The following TMCC1 variants were observed in gnomAD, a reference collection of about 807,000 sequenced individuals.
TMCC1 encodes transmembrane and coiled-coil domain family 1, also known as transmembrane and coiled-coil domains protein 1.
A neutral mutation model predicts 52.4 loss-of-function variants in TMCC1; 15 were observed. The observed-to-expected ratio is 0.29, with a 90% CI of 0.19 to 0.44. The LOEUF (loss-of-function observed/expected upper bound fraction) is 0.44. TMCC1 is among the 20% of genes least tolerant of loss of function. The pLI, the probability that TMCC1 is intolerant of heterozygous loss-of-function variation, is 1.00. For missense variants in TMCC1, 503 were observed against 806.0 expected, an observed-to-expected ratio of 0.62 and a Z score of 4.55; for synonymous variants, 279 against 301.9, an observed-to-expected ratio of 0.92 and a Z score of 0.79.
chr3:129,750,065 A>T (rs985051296), intron 4 of TMCC1, among the ~76,000 whole-genome samples: 2 of 152,230 alleles, frequency 1.3e-5, no homozygotes, highest in Non-Finnish European at 2.9e-5. Flanking sequence ...CTTTGTTCCA[A>T]ATTATAGTTT....
intron 1 of TMCC1, among the ~76,000 whole-genome samples, chr3:129,892,039 TTC>T (rs990901424): frequency 6.6e-6 from 1 of 152,228 alleles, no homozygotes; most frequent in Non-Finnish European, 1.5e-5. Flanking sequence ...CGGTCTGTGC[TTC>T]TGTTTATCTT....
intron 4 of TMCC1, among the ~76,000 whole-genome samples, chr3:129,790,607 G>T (rs1202045739): frequency 8.5e-5 from 13 of 152,130 alleles, no homozygotes; most frequent in Admixed American, 7.2e-4. Context: ...ACCCATAAAA[G>T]ATTTTGGGAA....
rs1200531751 is a variant in TMCC1, at chr3:129,756,759, T to C, written c.576+71044A>G. On this transcript the variant is annotated intron_variant, in intron 4 of 6. Transcript: ENST00000393238. Reference sequence around the variant, plus strand: ...AAGCCAGACTCAAAGTGTTACATGTTGTATGATTCCATTCACATGACTTCT... The same window carrying C: ...AAGCCAGACTCAAAGTGTTACATGTCGTATGATTCCATTCACATGACTTCT... 2.6e-5 allele frequency among the ~76,000 whole-genome samples: 4 copies of C among 152,312 alleles called. No homozygotes were observed. In the East Asian group the frequency reaches 7.7e-4, roughly 29 times the overall value.
At chr3:129,853,142 C>T (rs1388592107) in intron 2 of TMCC1, among the ~76,000 whole-genome samples, 1 of 152,108 alleles carries the variant, frequency 6.6e-6, no homozygotes, top group Non-Finnish European at 1.5e-5. Flanking sequence ...GATTGTGCCA[C>T]TGCACTCTAG....
intron 2 of TMCC1, among the ~76,000 whole-genome samples, chr3:129,838,207 C>T (rs570256959): frequency 2.0e-5 from 3 of 151,814 alleles, no homozygotes; most frequent in Admixed American, 6.6e-5. Context: ...GCCCAGGAGA[C>T]CAGCCTGGGC....
chr3:129,779,216 A>G (rs1410489811), intron 4 of TMCC1, among the ~76,000 whole-genome samples: 1 of 152,192 alleles, frequency 6.6e-6, no homozygotes, highest in South Asian at 2.1e-4. Context: ...ACTTCCAAGG[A>G]AAGTTAAATT....
rs573166815 is a variant in TMCC1 at position 129,818,426 on chromosome 3, A to T, written c.576+9377T>A. On this transcript the variant is annotated intron_variant, in intron 4 of 6. Transcript: ENST00000393238. ...TAAGAAACTTTTAAAGAAAAGTTTT[A>T]AAGAAACTTTTAAAGAAAAGTTTTA... Among the ~76,000 whole-genome samples, 80 of 146,836 alleles carry T rather than the reference A, an allele frequency of 5.4e-4. 1 individual carries two copies. Among genetic ancestry groups the T allele is most frequent in the African/African-American group, 1.9e-3 (77 of 39,710 alleles).
intron 2 of TMCC1, among the ~76,000 whole-genome samples, chr3:129,875,505 A>AC (rs2107977225): frequency 1.3e-5 from 2 of 150,570 alleles, no homozygotes; most frequent in South Asian, 2.1e-4. Flanking sequence ...AAAAAAAAAA[A>AC]AAAAAAAAAA....
At chr3:129,776,926 T>C (rs1380352067) in intron 4 of TMCC1, among the ~76,000 whole-genome samples, 1 of 152,190 alleles carries the variant, frequency 6.6e-6, no homozygotes, top group Non-Finnish European at 1.5e-5. Flanking sequence ...TAAGCTACTG[T>C]ACCCAACCTG....
intron 4 of TMCC1, among the ~76,000 whole-genome samples, chr3:129,717,410 T>G (rs998997604): frequency 6.6e-6 from 1 of 152,222 alleles, no homozygotes; most frequent in Admixed American, 6.5e-5. Context: ...TAGGTCAATC[T>G]TCTTCCTTTT....
Position 129,678,104 on chromosome 3 carries a change from G to A in TMCC1, c.577-6840C>T, listed in dbSNP as rs145834931. Among the ~76,000 whole-genome samples the A allele has an allele frequency of 4.6e-3, 694 of 151,984 alleles. 8 individuals are homozygous for A. Among genetic ancestry groups the A allele is most frequent in the African/African-American group, 0.016 (660 of 41,444 alleles). On this transcript the variant is annotated intron_variant, in intron 4 of 6. Coordinates refer to ENST00000393238, the MANE Select transcript of TMCC1 (RefSeq NM_001017395.5). The stretch of plus-strand genomic sequence containing the variant: ...CACCACACCTGGCTAATTTTTAGTG[G>A]AGGCGGGGTTTTGCCATGTTGGCCA...
chr3:129,851,433 G>T (rs1457019958), intron 2 of TMCC1, among the ~76,000 whole-genome samples: 1 of 152,068 alleles, frequency 6.6e-6, no homozygotes, highest in East Asian at 1.9e-4. Context: ...TTAGTAAAAA[G>T]GCAAGCAACT....
chr3:129,773,302 A>G (rs981322889), intron 4 of TMCC1, among the ~76,000 whole-genome samples: 4 of 152,220 alleles, frequency 2.6e-5, no homozygotes, highest in Non-Finnish European at 4.4e-5. Context: ...AAATTCTTGC[A>G]CATGTGTGGG....
chr3:129,712,742 C>T (rs979689979), intron 4 of TMCC1, among the ~76,000 whole-genome samples: 6 of 152,102 alleles, frequency 3.9e-5, no homozygotes, highest in Admixed American at 2.0e-4. Flanking sequence ...TGTGAGCCAC[C>T]ACGCCTGGCC....
chr3:129,852,979 A>T (rs2059983606), intron 2 of TMCC1, among the ~76,000 whole-genome samples: 1 of 152,214 alleles, frequency 6.6e-6, no homozygotes, highest in Non-Finnish European at 1.5e-5. Context: ...TCCAAGTGTC[A>T]ATTAATAATG....
At chr3:129,758,381 G>A (rs2053202191) in intron 4 of TMCC1, among the ~76,000 whole-genome samples, 3 of 152,170 alleles carry the variant, frequency 2.0e-5, no homozygotes, top group Admixed American at 2.0e-4. Flanking sequence ...TTACAGATGT[G>A]CGCATATGTG....
intron 2 of TMCC1, among the ~76,000 whole-genome samples, chr3:129,844,003 C>T (rs571492124): frequency 3.3e-5 from 5 of 150,632 alleles, no homozygotes; most frequent in African/African-American, 1.2e-4. Flanking sequence ...AAATCAAATA[C>T]AGCATTATAT....
chr3:129,809,324 T>C (rs557348073), intron 4 of TMCC1, among the ~76,000 whole-genome samples: 5 of 151,984 alleles, frequency 3.3e-5, no homozygotes, highest in Non-Finnish European at 7.4e-5. Context: ...AAATAACATT[T>C]AAAATAGAAG....
intron 4 of TMCC1, among the ~76,000 whole-genome samples, chr3:129,769,909 C>T (rs954250131): frequency 2.0e-5 from 3 of 152,076 alleles, no homozygotes; most frequent in East Asian, 3.9e-4. Context: ...CCAAAAGCAA[C>T]GGAGAAGAAT....
Sources: allele counts gnomAD v4.1 joint callset (sites outside exome capture counted in the v4.1 genomes callset), GRCh38; gene constraint gnomAD v4.1.1; transcripts MANE v1.5; gene names NCBI Gene and HGNC (gene_info 2026-07-23, HGNC 2026-07-21).